The following TNRC6B variants were observed in gnomAD, a reference collection of about 807,000 sequenced individuals.
TNRC6B encodes trinucleotide repeat containing adaptor 6B.
A neutral mutation model predicts 203.6 loss-of-function variants in TNRC6B; 52 were observed. That is an observed-to-expected ratio of 0.26 (90% confidence interval 0.20 to 0.32). The LOEUF (loss-of-function observed/expected upper bound fraction) is 0.32. Ranked by LOEUF, TNRC6B falls within the 10% of genes least tolerant of loss-of-function variation. TNRC6B has a pLI of 1.00. For missense variants in TNRC6B, 1,923 were observed against 2,286.2 expected (o/e 0.84, Z 3.24); for synonymous variants, 838 against 845.7 (o/e 0.99, Z 0.16).
At chr22:40,307,800 A>G (rs1234588605) in intron 15 of TNRC6B, among the ~76,000 whole-genome samples, 7 of 152,072 alleles carry the variant, frequency 4.6e-5, no homozygotes. Context: ...TCAGGCTGCC[A>G]ATTCTCTTCC....
At chr22:40,064,385 T>A (rs1484804404) in intron 1 of TNRC6B, among the ~76,000 whole-genome samples, 1 of 152,016 alleles carries the variant, frequency 6.6e-6, no homozygotes. Context: ...TTTTTTTTTT[T>A]AAGATGGCCT....
rs1034137768 is a variant in TNRC6B, at chr22:40,222,130, T to A, written c.6-23885T>A. ...ATTTTGTCTTCACGCCGTCTCGTAG[T>A]CCCTTCCTAAAAGTAAAAATAGGGA... On this transcript the variant is annotated intron_variant, in intron 1 of 22. Transcript: ENST00000454349. Among the ~76,000 whole-genome samples the A allele has an allele frequency of 5.9e-5, 9 of 152,232 alleles. No individual in the cohort carries two copies. In the East Asian group the frequency reaches 1.7e-3, roughly 29 times the overall value.
At chr22:40,189,555 T>G (rs1426924365) in intron 1 of TNRC6B, among the ~76,000 whole-genome samples, 1 of 152,120 alleles carries the variant, frequency 6.6e-6, no homozygotes. Context: ...AACTGGCCTT[T>G]CCTTGCTACA....
intron 1 of TNRC6B, among the ~76,000 whole-genome samples, chr22:40,085,848 C>CTGT (rs3044441): frequency 0.13 from 19,590 of 149,176 alleles, 1,422 homozygotes; most frequent in Middle Eastern, 0.18. Context: ...TTTGTTGTTG[C>CTGT]TGTTGTTGTT....
intron 4 of TNRC6B, among the ~76,000 whole-genome samples, chr22:40,170,277 C>A (rs1232848500): frequency 1.5e-5 from 2 of 131,018 alleles, no homozygotes; most frequent in African/African-American, 2.9e-5. Flanking sequence ...AACCCTATCT[C>A]AAGGGGGAAA....
intron 3 of TNRC6B, among the ~76,000 whole-genome samples, chr22:40,152,994 C>T (rs1286999864): frequency 6.6e-6 from 1 of 151,466 alleles, no homozygotes; most frequent in Non-Finnish European, 1.5e-5. Flanking sequence ...CCCAACTACT[C>T]GGGAGGCTGA....
At chr22:40,117,642 G>GAT (rs550964832) in intron 2 of TNRC6B, among the ~76,000 whole-genome samples, 83 of 151,908 alleles carry the variant, frequency 5.5e-4, no homozygotes, top group African/African-American at 1.9e-3. Flanking sequence ...CTTTTCCCTA[G>GAT]ATATATATAT....
intron 1 of TNRC6B, among the ~76,000 whole-genome samples, chr22:40,089,636 G>A (rs949622865): frequency 3.8e-4 from 58 of 151,974 alleles, no homozygotes; most frequent in African/African-American, 1.2e-3. Flanking sequence ...CCAGCCTCCC[G>A]CAGTGTCACA....
intron 2 of TNRC6B, among the ~76,000 whole-genome samples, chr22:40,119,363 C>T (rs984016927): frequency 3.3e-5 from 5 of 152,128 alleles, no homozygotes; most frequent in African/African-American, 1.2e-4. Context: ...GCGGGCGGAT[C>T]ACTTGAGGTC....
At chr22:40,128,765 C>G (rs891440835) in intron 3 of TNRC6B, among the ~76,000 whole-genome samples, 1 of 151,690 alleles carries the variant, frequency 6.6e-6, no homozygotes, top group Non-Finnish European at 1.5e-5. Context: ...TCAAGTGATT[C>G]TCCTGCCGCA....
chr22:40,104,496 C>T (rs1454630775), intron 1 of TNRC6B, among the ~76,000 whole-genome samples: 1 of 152,112 alleles, frequency 6.6e-6, no homozygotes, highest in Non-Finnish European at 1.5e-5. Flanking sequence ...AATTTGGAGT[C>T]AGTTTATTCA....
At position 40,280,087 on chromosome 22, in the gene TNRC6B, C is replaced by T. The variant is rs780544961; in HGVS notation, c.3355C>T (p.Arg1119Cys). The T allele has an allele frequency of 4.3e-6, 7 of 1,613,686 alleles. No individual in the cohort carries two copies. Among genetic ancestry groups the T allele is most frequent in the Admixed American group, 3.3e-5 (2 of 60,006 alleles). The change falls in exon 10 of 23, where the codon CGT (arginine) becomes TGT (cysteine). Residue 1119 changes from arginine (R) to cysteine (C), a missense_variant. Coordinates refer to ENST00000454349, the MANE Select transcript of TNRC6B (RefSeq NM_001162501.2). ...DIMRKDRSGF[R>C]PPNSKDMGTT... ...CATGAGGAAGGATCGATCTGGGTTCCGTCCACCTAATTCCAAAGACATGGG... is the reference window on the plus strand; with the variant it reads ...CATGAGGAAGGATCGATCTGGGTTCTGTCCACCTAATTCCAAAGACATGGG...
At chr22:40,140,889 C>T (rs1601837254) in intron 3 of TNRC6B, among the ~76,000 whole-genome samples, 1 of 152,180 alleles carries the variant, frequency 6.6e-6, no homozygotes, top group East Asian at 1.9e-4. Context: ...AATCTGCCTG[C>T]CTCAGCCTCC....
chr22:40,288,442 C>T (rs1178476928), intron 12 of TNRC6B, among the ~76,000 whole-genome samples: 2 of 152,188 alleles, frequency 1.3e-5, no homozygotes, highest in Non-Finnish European at 2.9e-5. Context: ...CAGTGGCTCA[C>T]ACCTGCAATC....
intron 1 of TNRC6B, among the ~76,000 whole-genome samples, chr22:40,242,493 C>A (rs111341972): frequency 6.7e-6 from 1 of 149,892 alleles, no homozygotes; most frequent in Admixed American, 6.6e-5. Flanking sequence ...TGCAGTGGCA[C>A]GATTTCGGCC....
intron 3 of TNRC6B, among the ~76,000 whole-genome samples, chr22:40,142,277 G>C (rs2068651041): frequency 6.7e-6 from 1 of 149,878 alleles, no homozygotes; most frequent in African/African-American, 2.5e-5. Context: ...GCCCAGGCTG[G>C]TCTCGAACTC....
At chr22:40,306,697 T>C (rs1268924587) in intron 15 of TNRC6B, among the ~76,000 whole-genome samples, 2 of 151,902 alleles carry the variant, frequency 1.3e-5, no homozygotes, top group Non-Finnish European at 2.9e-5. Flanking sequence ...AAAAAATAAA[T>C]AAATAAGGCC....
chr22:40,188,237 G>T (rs1410073555), intron 1 of TNRC6B, among the ~76,000 whole-genome samples: 2 of 152,072 alleles, frequency 1.3e-5, no homozygotes, highest in African/African-American at 4.8e-5. Context: ...ATAAAGAAAT[G>T]ATCTTGAATC....
intron 4 of TNRC6B, among the ~76,000 whole-genome samples, chr22:40,159,620 C>T (rs2068853870): frequency 6.6e-6 from 1 of 150,854 alleles, no homozygotes; most frequent in Non-Finnish European, 1.5e-5. Context: ...GCCTGGGTGA[C>T]AGAGCAAGAC....
Sources: gnomAD v4.1 joint callset for allele counts (sites outside exome capture counted in the v4.1 genomes callset) on GRCh38, gnomAD v4.1.1 for gene constraint, MANE v1.5 for transcripts, NCBI Gene and HGNC (gene_info 2026-07-23, HGNC 2026-07-21) for gene names.